XG: variants seen among roughly 807,000 people sequenced by gnomAD.
XG encodes glycoprotein Xg.
In XG, 24 loss-of-function variants were observed where a neutral mutation model predicts 25.7. The observed-to-expected ratio is 0.93, with a 90% CI of 0.68 to 1.31. The LOEUF is 1.31. Among genes scored for constraint, XG ranks in the 40% most tolerant of loss-of-function variants. The pLI, the probability that XG is intolerant of heterozygous loss-of-function variation, is 0.00. For missense variants in XG, 181 were observed against 187.6 expected, an observed-to-expected ratio of 0.96 and a Z score of 0.21; for synonymous variants, 77 against 69.2, an observed-to-expected ratio of 1.11 and a Z score of -0.56.
At chrX:2,772,224 C>T (rs2050833313) in intron 2 of XG, among the ~76,000 whole-genome samples, 1 of 152,250 alleles carries the variant, frequency 6.6e-6, no homozygotes, top group South Asian at 2.1e-4. Flanking sequence ...GACAGATACC[C>T]AAGAGAATTG....
At chrX:2,764,221 T>C (rs2050626334) in intron 1 of XG, among the ~76,000 whole-genome samples, 1 of 152,180 alleles carries the variant, frequency 6.6e-6, no homozygotes, top group Middle Eastern at 3.2e-3. Context: ...AGAGGAGGCA[T>C]GAATGGGCCA....
chrX:2,814,281 G>A, intron 10 of XG, 83 bp from the exon 11 acceptor site: 2 of 1,080,017 alleles, frequency 1.9e-6, no homozygotes, highest in Non-Finnish European at 2.5e-6. Context: ...GCATAGAATT[G>A]GATCTTGGTT....
chrX:2,804,082 A>G (rs2086970561), intron 7 of XG, among the ~76,000 whole-genome samples: 1 of 112,151 alleles, frequency 8.9e-6, no homozygotes, highest in Non-Finnish European at 1.9e-5. Context: ...ACCTGAGGCG[A>G]TCCACCCTCA....
intron 7 of XG, among the ~76,000 whole-genome samples, chrX:2,799,923 T>C (rs1355999498): frequency 2.7e-5 from 3 of 111,844 alleles, no homozygotes; most frequent in Non-Finnish European, 5.6e-5. Flanking sequence ...ATTAGTTTGC[T>C]CAGGAGAATG....
At chrX:2,784,135 T>C (rs2147063050) in intron 4 of XG, among the ~76,000 whole-genome samples, 1 of 111,907 alleles carries the variant, frequency 8.9e-6, no homozygotes, top group Admixed American at 9.5e-5. Context: ...TATTTCCTCC[T>C]AGTCTTTTAA....
At chrX:2,774,947 A>T (rs2050943730) in intron 3 of XG, 2 of 627,530 alleles carry the variant, frequency 3.2e-6, no homozygotes, top group South Asian at 3.9e-5. Context: ...CCCCACTGAG[A>T]TGGCTAAAAT....
intron 9 of XG, among the ~76,000 whole-genome samples, chrX:2,809,530 G>C (rs1230355740): frequency 4.5e-5 from 5 of 112,299 alleles, no homozygotes; most frequent in Admixed American, 1.9e-4. Context: ...TGATTGATTT[G>C]TAAGAGATGA....
intron 1 of XG, among the ~76,000 whole-genome samples, chrX:2,754,218 C>T (rs2050388710): frequency 6.6e-6 from 1 of 152,116 alleles, no homozygotes; most frequent in Admixed American, 6.5e-5. Context: ...CCCACCTCAG[C>T]CTCCAGAGTA....
chrX:2,808,240 G>C lies in XG; in HGVS notation c.454+20G>C. ...CAGAAGGTAACTGATTGACTCACCC[G>C]GTCCCAACCTTTAATAAGAGCACAC... On this transcript the variant is annotated intron_variant, in intron 9 of 10. Coordinates refer to ENST00000644266, the MANE Select transcript of XG (RefSeq NM_001141919.2). The C allele has an allele frequency of 6.6e-6, 8 of 1,209,458 alleles. No homozygotes were observed. The highest frequency in any genetic ancestry group is 9.0e-6 in the Non-Finnish European group (8 of 893,735).
At chrX:2,799,312 A>G (rs1478927921) in intron 7 of XG, among the ~76,000 whole-genome samples, 5 of 111,491 alleles carry the variant, frequency 4.5e-5, no homozygotes, top group African/African-American at 1.6e-4. Context: ...CAATCGAGAA[A>G]AATGACGAGA....
At chrX:2,754,027 G>A (rs2050384022) in intron 1 of XG, among the ~76,000 whole-genome samples, 1 of 152,176 alleles carries the variant, frequency 6.6e-6, no homozygotes, top group African/African-American at 2.4e-5. Context: ...AGGCAGGTAA[G>A]GCTAAGCTAT....
intron 1 of XG, among the ~76,000 whole-genome samples, chrX:2,765,138 G>T (rs1236510816): frequency 6.6e-6 from 1 of 151,404 alleles, no homozygotes; most frequent in Non-Finnish European, 1.5e-5. Flanking sequence ...ACGAGGTCAG[G>T]AGTTTGAGAC....
rs1266534368 is a variant in XG at position 2,808,936 on chromosome X, G to A, written c.454+716G>A. 2.7e-5 allele frequency among the ~76,000 whole-genome samples: 3 copies of A among 111,490 alleles called. No individual in the cohort carries two copies. The Admixed American group carries it at 2.9e-4, about 11-fold the overall frequency. ...TATGGTTTCACCTTTTTCCCTCTGT[G>A]GTGTAAAGTGAGGTCCAGAGATGGA... On this transcript the variant is annotated intron_variant, in intron 9 of 10. Coordinates refer to ENST00000644266, the MANE Select transcript of XG (RefSeq NM_001141919.2).
intron 1 of XG, among the ~76,000 whole-genome samples, chrX:2,770,329 A>G (rs1219237251): frequency 6.6e-6 from 1 of 152,082 alleles, no homozygotes; most frequent in Non-Finnish European, 1.5e-5. Context: ...AGGGGAACTA[A>G]CTGCTGAATG....
In XG at chrX:2,781,454, CTTAG is replaced by C. The variant is rs113872690; in HGVS notation, c.128-608_128-605del. On this transcript the variant is annotated intron_variant, in intron 3 of 10. Coordinates refer to ENST00000644266, the MANE Select transcript of XG (RefSeq NM_001141919.2). ...TGAGGAAGATCCTCAGGACTCAGAC[CTTAG>C]TTATAGATTAAAAGAAGTTAATCAC... 2.4e-3 allele frequency among the ~76,000 whole-genome samples: 360 copies of C among 150,002 alleles called. 19 individuals carry two copies. Among genetic ancestry groups the C allele is most frequent in the African/African-American group, 8.3e-3 (336 of 40,708 alleles).
chrX:2,754,013 C>T (rs1311738468), intron 1 of XG, among the ~76,000 whole-genome samples: 13 of 152,114 alleles, frequency 8.5e-5, no homozygotes, highest in Non-Finnish European at 1.9e-4. Context: ...TCTGAGCACT[C>T]TGAAGGCAGG....
rs547632365 is a variant in XG at position 2,758,705 on chromosome X, C to T, written c.61+6370C>T. Among the ~76,000 whole-genome samples the T allele has an allele frequency of 3.9e-5, 6 of 152,286 alleles. No homozygotes were observed. In the South Asian group the frequency reaches 1.2e-3, roughly 32 times the overall value. On this transcript the variant is annotated intron_variant, in intron 1 of 10. Coordinates refer to ENST00000644266, the MANE Select transcript of XG (RefSeq NM_001141919.2). ...GCTGCTGGCATCTAGTGGGTGGAGC[C>T]CAGGGATGCTGGTCAACACCCTGCA... is the stretch of plus-strand genomic sequence containing the variant.
chrX:2,790,622 G>A (rs2086828479), intron 5 of XG, among the ~76,000 whole-genome samples: 1 of 111,408 alleles, frequency 9.0e-6, no homozygotes, highest in Admixed American at 9.5e-5. Context: ...CCAACATGGT[G>A]AACCCCTGTT....
chrX:2,765,376 G>GGGAAGGAAGGAAGGAAGGAAGGAA (rs56267419), intron 1 of XG, among the ~76,000 whole-genome samples: 5,795 of 144,016 alleles, frequency 0.04, 159 homozygotes, highest in Non-Finnish European at 0.056. Context: ...GAGGGAGGGA[G>GGGAAGGAAGGAAGGAAGGAAGGAA]GGAAGGAAGG....
Sources: gnomAD v4.1 joint callset for allele counts (sites outside exome capture counted in the v4.1 genomes callset) on GRCh38, gnomAD v4.1.1 for gene constraint, MANE v1.5 for transcripts, NCBI Gene and HGNC (gene_info 2026-07-23, HGNC 2026-07-21) for gene names.